Variants in C16orf46 observed in about 807,000 individuals in gnomAD.
C16orf46 encodes the protein uncharacterized protein C16orf46.
In C16orf46, 7 loss-of-function variants were observed where a neutral mutation model predicts 5.5. That is an observed-to-expected ratio of 1.28 (90% CI 0.73 to 2.40). C16orf46 has a LOEUF of 2.40. Among genes scored for constraint, C16orf46 ranks in the 30% most tolerant of loss-of-function variants. C16orf46 has a pLI of 0.00. For missense variants in C16orf46, 614 were observed against 476.0 expected, an observed-to-expected ratio of 1.29 and a Z score of -2.70; for synonymous variants, 200 against 184.1, an observed-to-expected ratio of 1.09 and a Z score of -0.70.
chr16:81,062,178 C>A, intron 3 of C16orf46, 40 bp from the exon 4 acceptor site: 1 of 1,502,874 alleles, frequency 6.7e-7, no homozygotes, highest in Non-Finnish European at 8.8e-7. Flanking sequence ...AGCTGAGGGG[C>A]CCAAACTGTC....
chr16:81,057,354 G>A (rs1367527623), downstream of C16orf46, among the ~76,000 whole-genome samples: 1 of 151,510 alleles, frequency 6.6e-6, no homozygotes, highest in South Asian at 2.1e-4. Context: ...TTTGAGACTA[G>A]CCTGGCCTAC....
At chr16:81,072,958 C>A (rs1268476440) in intron 1 of C16orf46, among the ~76,000 whole-genome samples, 1 of 152,198 alleles carries the variant, frequency 6.6e-6, no homozygotes. Context: ...CCGCCTCAGC[C>A]TCCCAAAGTG....
At chr16:81,069,598 G>C (rs1363081410) in intron 1 of C16orf46, among the ~76,000 whole-genome samples, 2 of 152,210 alleles carry the variant, frequency 1.3e-5, no homozygotes, top group Non-Finnish European at 2.9e-5. Flanking sequence ...GGAGGAGTAA[G>C]AAGCCAGATT....
chr16:81,069,461 C>A (rs982742253), intron 1 of C16orf46, among the ~76,000 whole-genome samples: 2 of 152,196 alleles, frequency 1.3e-5, no homozygotes, highest in Non-Finnish European at 2.9e-5. Flanking sequence ...GCAAACATGG[C>A]TCTTAGATGG....
chr16:81,075,718 G>A, intron 1 of C16orf46, among the ~76,000 whole-genome samples: 1 of 152,224 alleles, frequency 6.6e-6, no homozygotes, highest in East Asian at 1.9e-4. Flanking sequence ...ATGTCTGCCA[G>A]AAAATAGAGT....
chr16:81,075,074 T>C (rs962835140), intron 1 of C16orf46, among the ~76,000 whole-genome samples: 1 of 152,196 alleles, frequency 6.6e-6, no homozygotes, highest in Non-Finnish European at 1.5e-5. Flanking sequence ...GGTATCCCTT[T>C]CACTTGGACA....
chr16:81,076,320 G>T (rs959514754), intron 1 of C16orf46: 5 of 150,842 alleles, frequency 3.3e-5, no homozygotes, highest in African/African-American at 1.2e-4. Flanking sequence ...TGAAAGTTAA[G>T]CACCCGCGCC....
chr16:81,069,800 G>A (rs1030249656), intron 1 of C16orf46: 4 of 152,146 alleles, frequency 2.6e-5, no homozygotes, highest in African/African-American at 4.8e-5. Context: ...AGGAAGATAA[G>A]ACTGGACTTA....
In C16orf46 at chr16:81,066,198, C is replaced by A. The variant is rs937655855; in HGVS notation, c.-44G>T. ...AAGGTCAGATTACTGCATACCAGAT[C>A]ACCAGATGCACCTTCGGAACACTGG... is the stretch of plus-strand genomic sequence containing the variant. On this transcript the variant is annotated 5_prime_UTR_variant, in exon 2 of 4. Coordinates refer to ENST00000299578, the MANE Select transcript of C16orf46 (RefSeq NM_152337.3). 4 of 151,984 alleles carry A rather than the reference C, an allele frequency of 2.6e-5. No individual in the cohort carries two copies. The highest frequency in any genetic ancestry group is 9.7e-5 in the African/African-American group (4 of 41,364). The allele number at this position is 151,984 out of a possible 1,614,324, so 9.4% of individuals were successfully genotyped here.
At position 81,063,246 on chromosome 16, in the gene C16orf46, GAAAAAAAAA is replaced by G. The variant is rs371975396; in HGVS notation, c.210+491_210+499del. Among the ~76,000 whole-genome samples, 12 of 100,828 alleles carry G rather than the reference GAAAAAAAAA, an allele frequency of 1.2e-4. No individual in the cohort carries two copies. The Admixed American group carries it at 1.2e-3, about 10-fold the overall frequency. 66.1% of individuals were successfully genotyped at this position (100,828 alleles called of 152,430 possible). A position where few individuals can be genotyped will look rare whatever the true frequency, so the allele number is the denominator to read the frequency against. On this transcript the variant is annotated intron_variant, in intron 3 of 3. Transcript: ENST00000299578. ...CGACAGAAAGAGACTCCATCTCAGG[GAAAAAAAAA>G]AAAAAAAAAAAAACCCACAGAGTTC...
chr16:81,073,137 A>C (rs919938650), intron 1 of C16orf46, among the ~76,000 whole-genome samples: 2 of 152,238 alleles, frequency 1.3e-5, no homozygotes, highest in African/African-American at 4.8e-5. Context: ...GCTGTTTCAC[A>C]ATAGGAAAAT....
chr16:81,074,663 A>G (rs1368417444), intron 1 of C16orf46, among the ~76,000 whole-genome samples: 1 of 151,920 alleles, frequency 6.6e-6, no homozygotes, highest in Non-Finnish European at 1.5e-5. Context: ...GATTACAGGC[A>G]TGAGCCACCA....
intron 2 of C16orf46, among the ~76,000 whole-genome samples, chr16:81,065,425 G>C (rs1971624980): frequency 7.2e-6 from 1 of 139,754 alleles, no homozygotes; most frequent in African/African-American, 2.7e-5. Flanking sequence ...AGTGAGCCAA[G>C]ATCGTGCCAC....
At position 81,061,357 on chromosome 16, in the gene C16orf46, C is replaced by T; in HGVS notation, c.992G>A (p.Gly331Glu). 3 of 1,614,152 alleles carry T rather than the reference C, an allele frequency of 1.9e-6. No individual in the cohort carries two copies. Among genetic ancestry groups the T allele is most frequent in the Non-Finnish European group, 2.5e-6 (3 of 1,180,032 alleles). ...GAATTTGGATTTGTAGCTTTGCACT[C>T]CCCGTTTCTGCAGAAGCTGCAAGGC... is the stretch of plus-strand genomic sequence containing the variant. ...LAALQLLQKR[G>E]VQSYKSKFKA... Residue 331 changes from glycine to glutamate, a missense_variant, in exon 4 of 4, where the codon GGA becomes GAA. Coordinates refer to ENST00000299578, the MANE Select transcript of C16orf46 (RefSeq NM_152337.3).
chr16:81,057,748 C>T (rs1341587569), downstream of C16orf46, among the ~76,000 whole-genome samples: 1 of 151,420 alleles, frequency 6.6e-6, no homozygotes, highest in Non-Finnish European at 1.5e-5. Flanking sequence ...AAACCTGAAA[C>T]AGGCCGGGTG....
intron 1 of C16orf46, among the ~76,000 whole-genome samples, chr16:81,074,115 T>G (rs1277310083): frequency 6.6e-6 from 1 of 152,234 alleles, no homozygotes; most frequent in Non-Finnish European, 1.5e-5. Flanking sequence ...GCAAATTTTG[T>G]TCCTCAGTTC....
rs1266116357 is a variant in C16orf46, at chr16:81,061,977, C to T, written c.372G>A (p.Glu124=). 1.2e-6 allele frequency: 2 copies of T among 1,614,170 alleles called. No homozygotes were observed. The highest frequency in any genetic ancestry group is 3.3e-5 in the Admixed American group (2 of 60,022). ...TCTGGGAGGGGCTGCTCTGATCCTT[C>T]TCTGGGCCCCCCTCAGTAGGAGGCT... ...QTKPPTEGGP[E]KDQSSPSQTQ... is the part of the protein sequence containing the mutation. The change falls in exon 4 of 4, where the codon GAG becomes GAA. Residue 124 remains glutamate, a synonymous_variant. Coordinates refer to ENST00000299578, the MANE Select transcript of C16orf46 (RefSeq NM_152337.3).
At position 81,062,523 on chromosome 16, in the gene C16orf46, C is replaced by G. The variant is rs774977653; in HGVS notation, c.211-385G>C. On this transcript the variant is annotated intron_variant, in intron 3 of 3. Coordinates refer to ENST00000299578, the MANE Select transcript of C16orf46 (RefSeq NM_152337.3). ...TTCAAATGCACATTTAAATTTGAAG[C>G]CATTAAAATAAAATGAAAACCGTTC... 1.2e-4 allele frequency among the ~76,000 whole-genome samples: 19 copies of G among 152,286 alleles called. No homozygotes were observed. In the South Asian group the frequency reaches 3.9e-3, roughly 32 times the overall value.
rs1263919815 is a variant in C16orf46, at chr16:81,066,257, TAA to T, written c.-105_-104del. On this transcript the variant is annotated 5_prime_UTR_variant, in exon 2 of 4. Transcript: ENST00000299578. ...AGGCAGGATCAACACGCTCCGCTAC[TAA>T]AAGAGAATATTGGGGTCTTTTCCTA... 6.6e-6 allele frequency: 1 copy of T among 152,092 alleles called. No homozygotes were observed. The highest frequency in any genetic ancestry group is 1.5e-5 in the Non-Finnish European group (1 of 68,022). The allele number at this position is 152,092 out of a possible 1,614,324, so 9.4% of individuals were successfully genotyped here. A position where few individuals can be genotyped will look rare whatever the true frequency, so the allele number is the denominator to read the frequency against.
Sources: allele counts gnomAD v4.1 joint callset (sites outside exome capture counted in the v4.1 genomes callset), GRCh38; gene constraint gnomAD v4.1.1; transcripts MANE v1.5; gene names NCBI Gene and HGNC (gene_info 2026-07-23, HGNC 2026-07-21).